The following EXOC4 variants were observed in gnomAD, a reference collection of about 807,000 sequenced individuals.
EXOC4 encodes the protein exocyst complex component 4.
EXOC4 carries 71 observed loss-of-function variants against 107.2 expected under a neutral mutation model. The ratio of observed to expected loss-of-function variants is 0.66; its 90% CI spans 0.55 to 0.81. The LOEUF is 0.81. EXOC4 is among the 30% of genes least tolerant of loss of function. The pLI, the probability that EXOC4 is intolerant of heterozygous loss-of-function variation, is 0.00. For synonymous variants in EXOC4, 456 were observed against 441.2 expected (o/e 1.03, Z -0.42); for missense variants, 1,108 against 1,189.6 (o/e 0.93, Z 1.01).
intron 10 of EXOC4, among the ~76,000 whole-genome samples, chr7:133,734,280 T>A: frequency 6.6e-6 from 1 of 152,304 alleles, no homozygotes; most frequent in African/African-American, 2.4e-5. Context: ...CTAGGAAGAA[T>A]TTAAAATTAA....
intron 13 of EXOC4, among the ~76,000 whole-genome samples, chr7:133,919,947 G>T (rs1268109603): frequency 6.6e-6 from 1 of 152,124 alleles, no homozygotes; most frequent in Non-Finnish European, 1.5e-5. Flanking sequence ...ATGTTTAGTT[G>T]TATAAGAAAC....
intron 9 of EXOC4, among the ~76,000 whole-genome samples, chr7:133,536,255 A>G (rs368874941): frequency 4.1e-4 from 62 of 152,044 alleles, no homozygotes; most frequent in East Asian, 1.4e-3. Flanking sequence ...ACAAATTACA[A>G]TTCTCCTTTA....
chr7:133,568,452 A>G (rs1288641356), intron 9 of EXOC4, among the ~76,000 whole-genome samples: 2 of 152,196 alleles, frequency 1.3e-5, no homozygotes, highest in Non-Finnish European at 2.9e-5. Context: ...TAAATGAGGA[A>G]TTTTATCATA....
intron 17 of EXOC4, among the ~76,000 whole-genome samples, chr7:134,029,627 C>A (rs1322164724): frequency 6.6e-6 from 1 of 152,162 alleles, no homozygotes; most frequent in Non-Finnish European, 1.5e-5. Flanking sequence ...TCAAGTGATC[C>A]TCCCACTTCA....
intron 11 of EXOC4, among the ~76,000 whole-genome samples, chr7:133,871,742 C>G (rs959590381): frequency 6.6e-6 from 1 of 152,150 alleles, no homozygotes; most frequent in African/African-American, 2.4e-5. Context: ...GGCTTTGAAT[C>G]TGGGCTTCAT....
At chr7:134,058,673 G>GAC (rs1168945583) in intron 17 of EXOC4, among the ~76,000 whole-genome samples, 39 of 152,082 alleles carry the variant, frequency 2.6e-4, no homozygotes, top group African/African-American at 8.9e-4. Flanking sequence ...TACAAAGAAA[G>GAC]AGCTGAGTAT....
chr7:133,938,257 G>A (rs1800350058), intron 14 of EXOC4, among the ~76,000 whole-genome samples, 188 bp downstream of exon 14: 1 of 152,062 alleles, frequency 6.6e-6, no homozygotes, highest in African/African-American at 2.4e-5. Context: ...AACTAATCTT[G>A]GTTTCCCTGT....
At chr7:134,083,510 A>T in the EXOC4 span, among the ~76,000 whole-genome samples, 2 of 152,198 alleles carry the variant, frequency 1.3e-5, no homozygotes, top group African/African-American at 4.8e-5. Flanking sequence ...ATATGGCACC[A>T]ACTAGAGTCA....
chr7:133,851,709 A>G (rs143116984), intron 11 of EXOC4, among the ~76,000 whole-genome samples: 4 of 152,328 alleles, frequency 2.6e-5, no homozygotes, highest in African/African-American at 9.6e-5. Flanking sequence ...CACTTCAGCA[A>G]TATCAGAGAG....
intron 7 of EXOC4, among the ~76,000 whole-genome samples, chr7:133,430,318 A>C (rs1222517429): frequency 6.6e-6 from 1 of 152,150 alleles, no homozygotes; most frequent in Non-Finnish European, 1.5e-5. Flanking sequence ...GATGTGGGGC[A>C]TGGCGGGCCA....
chr7:133,962,979 G>T (rs1800980692), intron 14 of EXOC4, among the ~76,000 whole-genome samples: 1 of 152,222 alleles, frequency 6.6e-6, no homozygotes, highest in South Asian at 2.1e-4. Context: ...GATGTATTGT[G>T]ATCCAAAGAG....
At chr7:133,501,069 G>A (rs1175295943) in intron 9 of EXOC4, among the ~76,000 whole-genome samples, 1 of 152,162 alleles carries the variant, frequency 6.6e-6, no homozygotes, top group South Asian at 2.1e-4. Flanking sequence ...GTATATGTTC[G>A]TGTGTGTATG....
chr7:133,802,675 A>G (rs539933313), intron 10 of EXOC4, among the ~76,000 whole-genome samples: 10 of 151,946 alleles, frequency 6.6e-5, no homozygotes, highest in Admixed American at 1.3e-4. Context: ...CCTGCCCAAC[A>G]TGGCTACTAA....
At chr7:133,725,062 A>G (rs1014746741) in intron 10 of EXOC4, among the ~76,000 whole-genome samples, 4 of 152,238 alleles carry the variant, frequency 2.6e-5, no homozygotes, top group African/African-American at 7.2e-5. Context: ...ACTTTCTGTG[A>G]TGATGGAAGT....
At chr7:133,735,385 C>T (rs2151121987) in intron 10 of EXOC4, among the ~76,000 whole-genome samples, 1 of 151,984 alleles carries the variant, frequency 6.6e-6, no homozygotes, top group South Asian at 2.1e-4. Context: ...TGTTTATAAA[C>T]CTCTACTAGA....
intron 14 of EXOC4, among the ~76,000 whole-genome samples, chr7:133,974,975 G>A (rs1793793149): frequency 6.6e-6 from 1 of 151,708 alleles, no homozygotes. Flanking sequence ...GTACCAGATG[G>A]ACCATTTGCA....
At chr7:133,726,595 T>C (rs1376265301) in intron 10 of EXOC4, among the ~76,000 whole-genome samples, 1 of 152,232 alleles carries the variant, frequency 6.6e-6, no homozygotes, top group Admixed American at 6.5e-5. Context: ...TTTGCATTTC[T>C]TTATTTACTC....
At position 133,382,202 on chromosome 7, in the gene EXOC4, A is replaced by G. The variant is rs762632350; in HGVS notation, c.1182+7200A>G. Among the ~76,000 whole-genome samples, 8 of 152,310 alleles carry G rather than the reference A, an allele frequency of 5.3e-5. No individual in the cohort carries two copies. In the Middle Eastern group the frequency reaches 0.014, roughly 259 times the overall value. ...TTGAGGTATTGTTTAGTAGAGAAGT[A>G]AACAAGACAGGCTTTGGTGTATGCT... is the stretch of plus-strand genomic sequence containing the variant. On this transcript the variant is annotated intron_variant, in intron 7 of 17. Coordinates refer to ENST00000253861, the MANE Select transcript of EXOC4 (RefSeq NM_021807.4).
In EXOC4 at chr7:134,040,552, A is replaced by G. The variant is rs1585344408; in HGVS notation, c.2688-23739A>G. Reference sequence around the variant, plus strand: ...TTGCCATGTTACTTGAAACCTCCATAATGAAGCACATGGCGTAAAACAGAT... The same window carrying G: ...TTGCCATGTTACTTGAAACCTCCATGATGAAGCACATGGCGTAAAACAGAT... On this transcript the variant is annotated intron_variant, in intron 17 of 17. Coordinates refer to ENST00000253861, the MANE Select transcript of EXOC4 (RefSeq NM_021807.4). Among the ~76,000 whole-genome samples, 4 of 152,220 alleles carry G rather than the reference A, an allele frequency of 2.6e-5. No homozygotes were observed. The South Asian group carries it at 8.3e-4, about 32-fold the overall frequency.
Sources: gnomAD v4.1 joint callset for allele counts (sites outside exome capture counted in the v4.1 genomes callset) on GRCh38, gnomAD v4.1.1 for gene constraint, MANE v1.5 for transcripts, NCBI Gene and HGNC (gene_info 2026-07-23, HGNC 2026-07-21) for gene names.